The following PLXDC2 variants were observed in gnomAD, a reference collection of about 807,000 sequenced individuals.
PLXDC2 encodes plexin domain containing 2.
In PLXDC2, 40 loss-of-function variants were observed where a neutral mutation model predicts 68.9. The ratio of observed to expected loss-of-function variants is 0.58; its 90% confidence interval spans 0.45 to 0.76. The LOEUF is 0.76. Ranked by LOEUF, PLXDC2 falls within the 30% of genes least tolerant of loss-of-function variation. The pLI is 0.00. For missense variants in PLXDC2, 644 were observed against 661.9 expected, an observed-to-expected ratio of 0.97 and a Z score of 0.30; for synonymous variants, 243 against 234.2, an observed-to-expected ratio of 1.04 and a Z score of -0.34.
At chr10:20,136,875 A>G (rs2131782426) in intron 4 of PLXDC2, among the ~76,000 whole-genome samples, 1 of 152,336 alleles carries the variant, frequency 6.6e-6, no homozygotes, top group Middle Eastern at 3.4e-3. Flanking sequence ...TTCACAAGCA[A>G]TTATAGCTTC....
intron 4 of PLXDC2, among the ~76,000 whole-genome samples, chr10:20,130,303 A>C (rs1425402824): frequency 6.6e-6 from 1 of 151,968 alleles, no homozygotes; most frequent in Non-Finnish European, 1.5e-5. Context: ...TATTTTGGAT[A>C]GTTTGTTGTT....
At chr10:20,088,443 A>G (rs1407087049) in intron 4 of PLXDC2, among the ~76,000 whole-genome samples, 1 of 152,202 alleles carries the variant, frequency 6.6e-6, no homozygotes, top group Non-Finnish European at 1.5e-5. Flanking sequence ...CTCTGGGATA[A>G]CTATGATTTC....
At chr10:19,965,439 A>G (rs1222553478) in intron 1 of PLXDC2, among the ~76,000 whole-genome samples, 1 of 152,110 alleles carries the variant, frequency 6.6e-6, no homozygotes, top group African/African-American at 2.4e-5. Flanking sequence ...GGCAAATGCT[A>G]TGCTTTTGCC....
chr10:20,212,643 A>G (rs1040087441), intron 10 of PLXDC2, among the ~76,000 whole-genome samples: 4 of 152,196 alleles, frequency 2.6e-5, no homozygotes, highest in African/African-American at 9.6e-5. Flanking sequence ...TTCAATGGTT[A>G]CTTAGAGACT....
chr10:20,044,211 G>GTCCTTCTTTCTTTCTTTCTT (rs1835742795), intron 2 of PLXDC2, among the ~76,000 whole-genome samples: 1 of 68,548 alleles, frequency 1.5e-5, no homozygotes, highest in Admixed American at 1.7e-4. Flanking sequence ...CTCTCTCTCT[G>GTCCTTCTTTCTTTCTTTCTT]TCTTTCTTTC....
At chr10:19,992,417 T>C (rs1834765024) in intron 1 of PLXDC2, among the ~76,000 whole-genome samples, 1 of 152,206 alleles carries the variant, frequency 6.6e-6, no homozygotes, top group South Asian at 2.1e-4. Flanking sequence ...TTCCTATTCA[T>C]AGGTTATCTG....
chr10:20,044,373 C>T (rs771687947), intron 2 of PLXDC2, among the ~76,000 whole-genome samples: 6 of 150,474 alleles, frequency 4.0e-5, no homozygotes, highest in Admixed American at 1.3e-4. Flanking sequence ...TGTAACAGCA[C>T]GATCTAGGCT....
chr10:20,159,919 A>T (rs544956558), intron 6 of PLXDC2, among the ~76,000 whole-genome samples: 10 of 152,128 alleles, frequency 6.6e-5, no homozygotes, highest in Admixed American at 5.9e-4. Flanking sequence ...TCTCCTAGAG[A>T]TCCCTGTTCC....
intron 6 of PLXDC2, among the ~76,000 whole-genome samples, chr10:20,153,730 T>C (rs1834179966): frequency 1.3e-5 from 2 of 152,172 alleles, no homozygotes; most frequent in African/African-American, 4.8e-5. Context: ...AAAAGGAACC[T>C]GAAATACCCA....
chr10:20,211,690 T>C lies in PLXDC2; in HGVS notation c.1083T>C (p.Arg361=), dbSNP rs1835071495. 1 of 1,613,098 alleles carries C rather than the reference T, an allele frequency of 6.2e-7. No individual in the cohort carries two copies. Among genetic ancestry groups the C allele is most frequent in the African/African-American group, 1.3e-5 (1 of 74,870 alleles). ...KLQRCSSGFD[R]HRQDWVDSGC... Reference sequence around the variant, plus strand: ...GAAGATGTTCCAGTGGATTTGATCGTCATCGGCAGGACTGGGTGGACAGTG... The same window carrying C: ...GAAGATGTTCCAGTGGATTTGATCGCCATCGGCAGGACTGGGTGGACAGTG... The change falls in exon 10 of 14, where the codon CGT becomes CGC. Residue 361 remains arginine, a synonymous_variant. Transcript: ENST00000377252.
chr10:20,187,123 A>G (rs1834696504), intron 9 of PLXDC2, among the ~76,000 whole-genome samples: 1 of 151,804 alleles, frequency 6.6e-6, no homozygotes, highest in Non-Finnish European at 1.5e-5. Context: ...ATATTTTATG[A>G]CCTTAGGTGA....
intron 1 of PLXDC2, among the ~76,000 whole-genome samples, chr10:19,823,421 C>T (rs1465172230): frequency 6.6e-6 from 1 of 151,804 alleles, no homozygotes; most frequent in Non-Finnish European, 1.5e-5. Flanking sequence ...TGGCTCACAC[C>T]TGTGATCCCA....
intron 9 of PLXDC2, among the ~76,000 whole-genome samples, chr10:20,180,337 A>G (rs1156381388): frequency 6.6e-6 from 1 of 152,096 alleles, no homozygotes; most frequent in Admixed American, 6.6e-5. Flanking sequence ...CCAGTTATAT[A>G]CATATCAAAA....
chr10:19,999,921 C>T (rs528293607), intron 1 of PLXDC2, among the ~76,000 whole-genome samples: 12 of 152,138 alleles, frequency 7.9e-5, no homozygotes, highest in Non-Finnish European at 1.3e-4. Flanking sequence ...AACAAAAGCA[C>T]GGAGACTTTT....
intron 1 of PLXDC2, among the ~76,000 whole-genome samples, chr10:19,865,579 A>G (rs1344948050): frequency 3.9e-5 from 6 of 152,174 alleles, no homozygotes; most frequent in Non-Finnish European, 8.8e-5. Flanking sequence ...CTCTCAGGGT[A>G]TAATGGGTAG....
At chr10:19,942,674 G>C (rs1457754937) in intron 1 of PLXDC2, among the ~76,000 whole-genome samples, 1 of 152,188 alleles carries the variant, frequency 6.6e-6, no homozygotes, top group Non-Finnish European at 1.5e-5. Context: ...TGAAGCAGGA[G>C]AATCCCTTGA....
chr10:19,921,306 G>A lies in PLXDC2; in HGVS notation c.113-80469G>A, dbSNP rs534916059. ...TTATGTGTTAAATTTGAGAAAGTAT[G>A]TTCACAGGACATCAATAAGAGACAA... On this transcript the variant is annotated intron_variant, in intron 1 of 13. Coordinates refer to ENST00000377252, the MANE Select transcript of PLXDC2 (RefSeq NM_032812.9). Among the ~76,000 whole-genome samples the A allele has an allele frequency of 3.0e-4, 45 of 152,200 alleles. No homozygotes were observed. The South Asian group carries it at 8.7e-3, about 30-fold the overall frequency.
intron 4 of PLXDC2, among the ~76,000 whole-genome samples, chr10:20,119,159 T>G (rs1833661025): frequency 6.6e-6 from 1 of 152,048 alleles, no homozygotes; most frequent in South Asian, 2.1e-4. Context: ...AAGAGACATG[T>G]GCTGAGTTGA....
intron 1 of PLXDC2, among the ~76,000 whole-genome samples, chr10:19,974,939 AGT>A (rs1834423070): frequency 6.6e-6 from 1 of 152,218 alleles, no homozygotes; most frequent in South Asian, 2.1e-4. Context: ...AATGAAAATG[AGT>A]GTGTTAGACA....
Sources: gnomAD v4.1 joint callset for allele counts (sites outside exome capture counted in the v4.1 genomes callset) on GRCh38, gnomAD v4.1.1 for gene constraint, MANE v1.5 for transcripts, NCBI Gene and HGNC (gene_info 2026-07-23, HGNC 2026-07-21) for gene names.